The following PIK3R4 variants were observed in gnomAD, a reference collection of about 807,000 sequenced individuals.
PIK3R4 encodes the protein phosphoinositide-3-kinase regulatory subunit 4.
Under a neutral mutation model 136.5 loss-of-function variants are expected in PIK3R4, and 46 were observed. That is an observed-to-expected ratio of 0.34 (90% CI 0.27 to 0.43). PIK3R4 has a LOEUF of 0.43. Ranked by LOEUF, PIK3R4 falls within the 20% of genes least tolerant of loss-of-function variation. PIK3R4 has a pLI of 1.00. For synonymous variants in PIK3R4, 557 were observed against 566.7 expected (o/e 0.98, Z 0.24); for missense variants, 1,331 against 1,649.5 (o/e 0.81, Z 3.35).
At chr3:130,679,867 G>C (rs371174230) in intron 19 of PIK3R4, among the ~76,000 whole-genome samples, 1 of 152,182 alleles carries the variant, frequency 6.6e-6, no homozygotes, top group Admixed American at 6.5e-5. Flanking sequence ...CACAAGGTCA[G>C]GAGATCAAGA....
At chr3:130,728,789 A>G (rs2066747469) in intron 5 of PIK3R4, 105 bp from the exon 6 acceptor site, 1 of 732,648 alleles carries the variant, frequency 1.4e-6, no homozygotes, top group East Asian at 2.9e-5. Context: ...CTTACTCATC[A>G]GAGAGACTGA....
rs1197622634 is a variant in PIK3R4 at position 130,706,868 on chromosome 3, G to A, written c.2721+80C>T. 4.0e-5 allele frequency: 46 copies of A among 1,155,244 alleles called. 1 individual carries two copies. The South Asian group carries it at 6.5e-4, about 16-fold the overall frequency. 71.6% of individuals were successfully genotyped at this position (1,155,244 alleles called of 1,614,324 possible). ...TCACCATATTGATTTTTCCACTACAGTACACAGCCTTTAAACAACCAAAAT... is the reference window on the plus strand; with the variant it reads ...TCACCATATTGATTTTTCCACTACAATACACAGCCTTTAAACAACCAAAAT... On this transcript the variant is annotated intron_variant, in intron 11 of 19. Coordinates refer to ENST00000356763, the MANE Select transcript of PIK3R4 (RefSeq NM_014602.3).
rs753838129 is a variant in PIK3R4 at position 130,679,349 on chromosome 3, G to A, written c.4043C>T (p.Ala1348Val). 7 of 1,609,914 alleles carry A rather than the reference G, an allele frequency of 4.3e-6. No individual in the cohort carries two copies. Among genetic ancestry groups the A allele is most frequent in the South Asian group, 1.1e-5 (1 of 90,552 alleles). The change falls in exon 20 of 20, where the codon GCT becomes GTT. Residue 1348 changes from alanine (A) to valine (V), a missense_variant. Around this residue, in one of 2 missense-constraint regions of PIK3R4, gnomAD observed 1,180 missense variants for 1,407.0 expected, o/e 0.84. Transcript: ENST00000356763. ...FQTTQGFIVTASRDGIVKVWK is the reference protein window; with the variant it reads ...FQTTQGFIVTVSRDGIVKVWK ...CACCTTCACAATCCCATCTCTAGAAGCAGTTACGATGAAGCCCTGTGTGGT... is the reference window on the plus strand; with the variant it reads ...CACCTTCACAATCCCATCTCTAGAAACAGTTACGATGAAGCCCTGTGTGGT...
intron 9 of PIK3R4, among the ~76,000 whole-genome samples, chr3:130,715,358 G>A (rs60653573): frequency 0.21 from 31,129 of 151,586 alleles, 3,407 homozygotes; most frequent in South Asian, 0.36. Flanking sequence ...TCCTGACCTC[G>A]GGTGACCCAC....
In PIK3R4 at chr3:130,733,528, T is replaced by C; in HGVS notation, c.1450+20A>G. 2 of 1,517,716 alleles carry C rather than the reference T, an allele frequency of 1.3e-6. No homozygotes were observed. Among genetic ancestry groups the C allele is most frequent in the Admixed American group, 1.7e-5 (1 of 58,258 alleles). 94.0% of individuals were successfully genotyped at this position (1,517,716 alleles called of 1,614,324 possible). A position where few individuals can be genotyped will look rare whatever the true frequency, so the allele number is the denominator to read the frequency against. ...TTAAAAAATATCTAAGTGGCTAATATTTGGACAATAAACTCTTACCAGCAT... is the reference window on the plus strand; with the variant it reads ...TTAAAAAATATCTAAGTGGCTAATACTTGGACAATAAACTCTTACCAGCAT... On this transcript the variant is annotated intron_variant, in intron 4 of 19. Transcript: ENST00000356763.
Position 130,733,974 on chromosome 3 carries a change from G to A in PIK3R4, c.1024C>T (p.Arg342Cys), listed in dbSNP as rs146455524. 31 of 1,614,074 alleles carry A rather than the reference G, an allele frequency of 1.9e-5. No individual in the cohort carries two copies. The African/African-American group carries it at 2.7e-4, about 14-fold the overall frequency. Reference protein sequence around the residue: ...AKETFLSADERILVIRKDLGN... With the variant: ...AKETFLSADECILVIRKDLGN... ...AAATCCTTCCGTATAACCAGAATAC[G>A]CTCATCTGCAGAAAGAAACGTTTCC... Residue 342 changes from arginine to cysteine, a missense_variant, in exon 4 of 20, where the codon CGT becomes TGT. By Grantham distance (180) the Arg-to-Cys change is radical. Around this residue, in one of 2 missense-constraint regions of PIK3R4, gnomAD observed 1,180 missense variants for 1,407.0 expected, o/e 0.84. Coordinates refer to ENST00000356763, the MANE Select transcript of PIK3R4 (RefSeq NM_014602.3).
In PIK3R4 at chr3:130,744,471, G is replaced by T; in HGVS notation, c.733+15C>A. 1.3e-6 allele frequency: 2 copies of T among 1,588,508 alleles called. No individual in the cohort carries two copies. The highest frequency in any genetic ancestry group is 2.3e-5 in the South Asian group (2 of 86,772). ...AAACACATGCTCCCTTAGCAAATGT[G>T]ACCCACTCAAATACCTGCTGAAAAG... is the stretch of plus-strand genomic sequence containing the variant. On this transcript the variant is annotated intron_variant, in intron 2 of 19. Transcript: ENST00000356763.
At chr3:130,742,378 T>C (rs769567726) in intron 2 of PIK3R4, among the ~76,000 whole-genome samples, 2 of 152,242 alleles carry the variant, frequency 1.3e-5, no homozygotes, top group Non-Finnish European at 2.9e-5. Context: ...TTTAAACCTA[T>C]GAATGATCCC....
intron 16 of PIK3R4, among the ~76,000 whole-genome samples, chr3:130,682,288 A>G (rs1559818689): frequency 6.6e-6 from 1 of 152,178 alleles, no homozygotes; most frequent in Admixed American, 6.5e-5. Flanking sequence ...CAGTATAACA[A>G]TGAAACAAGA....
In PIK3R4 at chr3:130,744,984, T is replaced by G. The variant is rs769578424; in HGVS notation, c.235A>C (p.Asn79His). The G allele has an allele frequency of 6.2e-7, 1 of 1,614,210 alleles. No individual in the cohort carries two copies. Among genetic ancestry groups the G allele is most frequent in the East Asian group, 2.2e-5 (1 of 44,888 alleles). Residue 79 changes from asparagine (N) to histidine (H), a missense_variant, in exon 2 of 20, where the codon AAT becomes CAT. By Grantham distance (68) the Asn-to-His change is moderately conservative. This residue lies in a region of PIK3R4 where 151 missense variants were observed against 242.5 expected (regional missense o/e 0.62). Transcript: ENST00000356763. Reference protein sequence around the residue: ...QELEELKIRLNSAQNCLPFQK... With the variant: ...QELEELKIRLHSAQNCLPFQK... ...AAAGGTAGACAATTCTGTGCAGAATTAAGCCTGATTTTCAGTTCCTCCAGC... is the reference window on the plus strand; with the variant it reads ...AAAGGTAGACAATTCTGTGCAGAATGAAGCCTGATTTTCAGTTCCTCCAGC...
chr3:130,690,408 A>G, intron 14 of PIK3R4, 82 bp downstream of exon 14: 1 of 772,222 alleles, frequency 1.3e-6, no homozygotes, highest in East Asian at 2.9e-5. Flanking sequence ...GTTGATCCCA[A>G]CTACATTGCA....
At position 130,707,013 on chromosome 3, in the gene PIK3R4, T is replaced by C. The variant is rs2066609700; in HGVS notation, c.2656A>G (p.Thr886Ala). The change falls in exon 11 of 20, where the codon ACT becomes GCT. Residue 886 changes from threonine (T) to alanine (A), a missense_variant. Physicochemically the swap from Thr to Ala is moderately conservative, Grantham distance 58 (BLOSUM62 0). This residue lies in a region of PIK3R4 where 1,180 missense variants were observed against 1,407.0 expected (regional missense o/e 0.84). Transcript: ENST00000356763. ...GACTCGGAACGAGGAGGTTTCCCAG[T>C]CTGAATCACCTCCTGATCACTCCCT... ...PKGSDQEVIQ[T>A]GKPPRSESSA... 6.2e-7 allele frequency: 1 copy of C among 1,613,018 alleles called. No homozygotes were observed. The highest frequency in any genetic ancestry group is 1.3e-5 in the African/African-American group (1 of 75,004).
At chr3:130,720,118 T>G (rs1429361554) in intron 7 of PIK3R4, among the ~76,000 whole-genome samples, 1 of 152,196 alleles carries the variant, frequency 6.6e-6, no homozygotes, top group Non-Finnish European at 1.5e-5. Flanking sequence ...AGCTGCCTGA[T>G]ACAAAGCACC....
intron 4 of PIK3R4, among the ~76,000 whole-genome samples, 170 bp downstream of exon 4, chr3:130,733,378 G>C (rs1474796224): frequency 6.6e-6 from 1 of 152,162 alleles, no homozygotes; most frequent in Non-Finnish European, 1.5e-5. Flanking sequence ...ACACACAAAC[G>C]TTGATTCCCA....
At chr3:130,743,133 A>G (rs1363464094) in intron 2 of PIK3R4, among the ~76,000 whole-genome samples, 1 of 152,170 alleles carries the variant, frequency 6.6e-6, no homozygotes, top group African/African-American at 2.4e-5. Flanking sequence ...CTGCTGGGTT[A>G]GGTGTGGTAG....
chr3:130,735,088 A>T (rs1268717130), intron 3 of PIK3R4, among the ~76,000 whole-genome samples: 9 of 152,210 alleles, frequency 5.9e-5, no homozygotes, highest in Admixed American at 2.0e-4. Context: ...AAGACAGAAC[A>T]CTACACCAAC....
intron 8 of PIK3R4, among the ~76,000 whole-genome samples, chr3:130,717,275 C>G (rs1576458655): frequency 6.6e-6 from 1 of 151,596 alleles, no homozygotes; most frequent in Non-Finnish European, 1.5e-5. Context: ...TATCTTTTGT[C>G]TAATCCAAAT....
intron 2 of PIK3R4, among the ~76,000 whole-genome samples, chr3:130,738,907 C>T (rs2066802273): frequency 6.6e-6 from 1 of 152,180 alleles, no homozygotes; most frequent in Admixed American, 6.5e-5. Flanking sequence ...CAGCAGAATG[C>T]TGAGGTCCTA....
intron 2 of PIK3R4, among the ~76,000 whole-genome samples, chr3:130,741,569 G>A (rs1397832491): frequency 6.6e-6 from 1 of 152,168 alleles, no homozygotes; most frequent in Non-Finnish European, 1.5e-5. Context: ...CACTGAGTCT[G>A]TATCATTCAA....
Sources: allele counts gnomAD v4.1 joint callset (sites outside exome capture counted in the v4.1 genomes callset), GRCh38; gene constraint gnomAD v4.1.1; regional missense constraint gnomAD v4.1.1; transcripts MANE v1.5; gene names NCBI Gene and HGNC (gene_info 2026-07-23, HGNC 2026-07-21).